The following DTWD2 variants were observed in gnomAD, a reference collection of about 807,000 sequenced individuals.
The protein encoded by DTWD2 is DTW motif tRNA-uridine aminocarboxypropyltransferase 2.
Under a neutral mutation model 31.8 loss-of-function variants are expected in DTWD2, and 39 were observed. The ratio of observed to expected loss-of-function variants is 1.22; its 90% confidence interval spans 0.95 to 1.60. DTWD2 has a LOEUF of 1.60. Ranked by LOEUF, DTWD2 falls within the 40% of genes most tolerant of loss-of-function variation. The pLI, the probability that DTWD2 is intolerant of heterozygous loss-of-function variation, is 0.00. For missense variants in DTWD2, 515 were observed against 381.5 expected, an observed-to-expected ratio of 1.35 and a Z score of -2.92; for synonymous variants, 180 against 142.8, an observed-to-expected ratio of 1.26 and a Z score of -1.86.
intron 4 of DTWD2, among the ~76,000 whole-genome samples, chr5:118,859,951 C>A (rs1752221771): frequency 6.6e-6 from 1 of 151,960 alleles, no homozygotes; most frequent in Admixed American, 6.6e-5. Flanking sequence ...ATCCCTATCT[C>A]TACAAAAAAC....
chr5:118,862,105 G>T (rs1023415327), intron 4 of DTWD2, among the ~76,000 whole-genome samples: 9 of 152,210 alleles, frequency 5.9e-5, no homozygotes, highest in African/African-American at 2.2e-4. Flanking sequence ...TCTCGTAGAA[G>T]CGCCAACCCT....
chr5:118,981,562 C>T (rs1755301278), intron 1 of DTWD2, among the ~76,000 whole-genome samples: 2 of 151,156 alleles, frequency 1.3e-5, no homozygotes, highest in Non-Finnish European at 3.0e-5. Context: ...AAAAATCCAA[C>T]CCCTCCCTCT....
At chr5:118,962,959 T>C (rs1754739271) in intron 1 of DTWD2, among the ~76,000 whole-genome samples, 1 of 152,226 alleles carries the variant, frequency 6.6e-6, no homozygotes, top group African/African-American at 2.4e-5. Flanking sequence ...TCTTAACACA[T>C]AGTTCTATCC....
At chr5:118,926,639 G>A (rs985405127) in intron 4 of DTWD2, among the ~76,000 whole-genome samples, 1 of 152,118 alleles carries the variant, frequency 6.6e-6, no homozygotes, top group East Asian at 1.9e-4. Context: ...CCAAAATAAT[G>A]GGATACAGTG....
At chr5:118,965,441 G>T (rs1754820626) in intron 1 of DTWD2, among the ~76,000 whole-genome samples, 1 of 139,966 alleles carries the variant, frequency 7.1e-6, no homozygotes, top group Non-Finnish European at 1.5e-5. Context: ...ACAGCTCACT[G>T]AGAACGGGCC....
intron 3 of DTWD2, among the ~76,000 whole-genome samples, chr5:118,937,227 T>C (rs1266375228): frequency 6.6e-6 from 1 of 152,190 alleles, no homozygotes; most frequent in Non-Finnish European, 1.5e-5. Flanking sequence ...ATCATTTTAA[T>C]AGATGCATTT....
At chr5:118,891,027 T>TA (rs1752967062) in intron 4 of DTWD2, among the ~76,000 whole-genome samples, 1 of 152,114 alleles carries the variant, frequency 6.6e-6, no homozygotes, top group African/African-American at 2.4e-5. Flanking sequence ...AGGTGAAAAA[T>TA]ACGTACATAT....
At chr5:118,961,377 A>T (rs1029736093) in intron 1 of DTWD2, among the ~76,000 whole-genome samples, 1 of 152,196 alleles carries the variant, frequency 6.6e-6, no homozygotes, top group Non-Finnish European at 1.5e-5. Flanking sequence ...TCTGCAAACT[A>T]TTATTTTATA....
chr5:118,846,297 C>T (rs1263567121), intron 5 of DTWD2, among the ~76,000 whole-genome samples: 3 of 152,008 alleles, frequency 2.0e-5, no homozygotes, highest in African/African-American at 7.2e-5. Context: ...AGTACAAACC[C>T]TATCCTTAAC....
chr5:118,951,978 C>A (rs1202755615), intron 1 of DTWD2, among the ~76,000 whole-genome samples: 1 of 152,062 alleles, frequency 6.6e-6, no homozygotes. Context: ...ACGGATAAAA[C>A]GCGTCTCCTC....
Position 118,955,874 on chromosome 5 carries a change from C to G in DTWD2, c.219-11225G>C, listed in dbSNP as rs116510417. ...CAAAAAATATCACATAACTATATAT[C>G]AAAACTGATTATTTGTAAATAATGA... is the stretch of plus-strand genomic sequence containing the variant. On this transcript the variant is annotated intron_variant, in intron 1 of 5. Coordinates refer to ENST00000510708, the MANE Select transcript of DTWD2 (RefSeq NM_173666.4). Among the ~76,000 whole-genome samples the G allele has an allele frequency of 8.1e-3, 1,227 of 151,630 alleles. 21 individuals carry two copies. Among genetic ancestry groups the G allele is most frequent in the African/African-American group, 0.028 (1,161 of 41,330 alleles).
intron 4 of DTWD2, among the ~76,000 whole-genome samples, chr5:118,852,167 C>A (rs1752024210): frequency 6.6e-6 from 1 of 152,148 alleles, no homozygotes; most frequent in Non-Finnish European, 1.5e-5. Context: ...TTTTGCCCAA[C>A]CCGGGAAGCA....
intron 1 of DTWD2, among the ~76,000 whole-genome samples, chr5:118,960,914 G>C (rs1465654321): frequency 6.6e-6 from 1 of 152,058 alleles, no homozygotes; most frequent in Non-Finnish European, 1.5e-5. Flanking sequence ...TAGACATTGA[G>C]GCCTAATTGA....
At chr5:118,875,563 G>GAAAAAAAAAAAAAAA (rs34990814) in intron 4 of DTWD2, among the ~76,000 whole-genome samples, 1 of 44,552 alleles carries the variant, frequency 2.2e-5, no homozygotes, top group African/African-American at 8.2e-5. Flanking sequence ...CCTAGTTTCT[G>GAAAAAAAAAAAAAAA]AAAAAAAAAA....
intron 4 of DTWD2, among the ~76,000 whole-genome samples, chr5:118,860,399 A>G (rs1160921868): frequency 4.6e-5 from 7 of 151,836 alleles, no homozygotes; most frequent in African/African-American, 1.7e-4. Context: ...TTATAATAGT[A>G]TAATACTTGA....
At chr5:118,861,218 T>C (rs1406669039) in intron 4 of DTWD2, among the ~76,000 whole-genome samples, 2 of 152,240 alleles carry the variant, frequency 1.3e-5, no homozygotes, top group African/African-American at 4.8e-5. Flanking sequence ...TTTTTATTGG[T>C]GGGTTCACCT....
chr5:118,971,497 A>T (rs1021238282), intron 1 of DTWD2, among the ~76,000 whole-genome samples: 1 of 152,154 alleles, frequency 6.6e-6, no homozygotes, highest in African/African-American at 2.4e-5. Context: ...GTTCTTAGAG[A>T]TCTACAAAGA....
chr5:118,883,800 G>C (rs895600690), intron 4 of DTWD2, among the ~76,000 whole-genome samples: 9 of 152,096 alleles, frequency 5.9e-5, no homozygotes, highest in African/African-American at 9.7e-5. Flanking sequence ...GATGAGATTT[G>C]GGTGGAGACA....
intron 4 of DTWD2, among the ~76,000 whole-genome samples, chr5:118,914,622 G>A (rs1184583506): frequency 6.6e-6 from 1 of 152,160 alleles, no homozygotes; most frequent in Admixed American, 6.5e-5. Flanking sequence ...GGAATTTACA[G>A]TCTAATTGGC....
Sources: gnomAD v4.1 joint callset for allele counts (sites outside exome capture counted in the v4.1 genomes callset) on GRCh38, gnomAD v4.1.1 for gene constraint, MANE v1.5 for transcripts, NCBI Gene and HGNC (gene_info 2026-07-23, HGNC 2026-07-21) for gene names.